The following AGTPBP1 variants were observed in gnomAD, a reference collection of about 807,000 sequenced individuals.
AGTPBP1 encodes cytosolic carboxypeptidase 1.
Under a neutral mutation model 143.9 loss-of-function variants are expected in AGTPBP1, and 70 were observed. That is an observed-to-expected ratio of 0.49 (90% CI 0.40 to 0.59). The LOEUF is 0.59. AGTPBP1 is among the 20% of genes least tolerant of loss of function. AGTPBP1 has a pLI of 0.00. For synonymous variants in AGTPBP1, 463 were observed against 500.2 expected (o/e 0.93, Z 0.99); for missense variants, 1,229 against 1,464.5 (o/e 0.84, Z 2.62).
intron 8 of AGTPBP1, among the ~76,000 whole-genome samples, chr9:85,664,949 A>C (rs1460418959): frequency 6.6e-6 from 1 of 152,214 alleles, no homozygotes; most frequent in Non-Finnish European, 1.5e-5. Context: ...ATACACATAG[A>C]TGTCAAGTTT....
At chr9:85,677,628 A>AT in intron 5 of AGTPBP1, 46 bp from the exon 6 acceptor site, 1 of 1,435,428 alleles carries the variant, frequency 7.0e-7, no homozygotes, top group Non-Finnish European at 9.2e-7. Context: ...ATTAAAAAAA[A>AT]ATTAACAAAT....
At chr9:85,732,503 C>T (rs973520360) in intron 1 of AGTPBP1, among the ~76,000 whole-genome samples, 8 of 151,876 alleles carry the variant, frequency 5.3e-5, no homozygotes, top group Admixed American at 3.9e-4. Flanking sequence ...ATGAAGAAAA[C>T]CACTATAACC....
chr9:85,589,764 A>G lies in AGTPBP1; in HGVS notation c.2569-83T>C, dbSNP rs971116900. 14 of 1,300,586 alleles carry G rather than the reference A, an allele frequency of 1.1e-5. No homozygotes were observed. The African/African-American group carries it at 1.8e-4, about 17-fold the overall frequency. The allele number at this position is 1,300,586 out of a possible 1,614,324, so 80.6% of individuals were successfully genotyped here. The stretch of plus-strand genomic sequence containing the variant: ...AGAAATAATGCATCCAGATCTCCAC[A>G]TAACTAGAAGTGAATCAGATTCTTA... On this transcript the variant is annotated intron_variant, in intron 19 of 25. Transcript: ENST00000357081.
the AGTPBP1 span, among the ~76,000 whole-genome samples, chr9:85,757,796 A>G: frequency 7.9e-5 from 12 of 152,232 alleles, no homozygotes; most frequent in African/African-American, 2.9e-4. Flanking sequence ...CAGGAGTAGC[A>G]TAAAGATGAA....
Position 85,586,816 on chromosome 9 carries a change from AGT to A in AGTPBP1, c.3033+13_3033+14del. 5 of 1,605,698 alleles carry A rather than the reference AGT, an allele frequency of 3.1e-6. No homozygotes were observed. The highest frequency in any genetic ancestry group is 4.3e-6 in the Non-Finnish European group (5 of 1,174,142). On this transcript the variant is annotated intron_variant, in intron 22 of 25. Coordinates refer to ENST00000357081, the MANE Select transcript of AGTPBP1 (RefSeq NM_001330701.2). ...TCTTTGACTATCCCAAGTAAAAACA[AGT>A]ATTGCTACTTACCAAGGGTAAACGC...
At chr9:85,640,053 T>C (rs985053968) in intron 13 of AGTPBP1, among the ~76,000 whole-genome samples, 2 of 152,188 alleles carry the variant, frequency 1.3e-5, no homozygotes, top group Non-Finnish European at 2.9e-5. Context: ...GAAAATAATA[T>C]ACAAATGAAA....
At chr9:85,666,822 C>G (rs1388015725) in intron 8 of AGTPBP1, among the ~76,000 whole-genome samples, 1 of 151,924 alleles carries the variant, frequency 6.6e-6, no homozygotes, top group African/African-American at 2.4e-5. Context: ...AAGGGAGAAA[C>G]AGCAAATAAA....
chr9:85,701,820 T>C (rs1836683980), intron 2 of AGTPBP1, among the ~76,000 whole-genome samples: 1 of 152,238 alleles, frequency 6.6e-6, no homozygotes, highest in Non-Finnish European at 1.5e-5. Flanking sequence ...AAAATGTGAA[T>C]TCCTTTTTGG....
chr9:85,638,141 A>T (rs547196984), intron 13 of AGTPBP1, among the ~76,000 whole-genome samples: 1 of 152,184 alleles, frequency 6.6e-6, no homozygotes, highest in South Asian at 2.1e-4. Context: ...GTGTATATAT[A>T]TATGTTGATT....
chr9:85,593,050 A>C (rs1429021794), intron 18 of AGTPBP1, among the ~76,000 whole-genome samples: 1 of 152,176 alleles, frequency 6.6e-6, no homozygotes, highest in Non-Finnish European at 1.5e-5. Context: ...AGGTTGATGG[A>C]CACCTTTACG....
chr9:85,753,225 A>G, the AGTPBP1 span: 2 of 1,546,610 alleles, frequency 1.3e-6, no homozygotes, highest in South Asian at 2.4e-5. Flanking sequence ...CCAAAAAAAG[A>G]AAGAAAAAAA....
In AGTPBP1 at chr9:85,575,824, C is replaced by T. The variant is rs78448919; in HGVS notation, c.3343-349G>A. 0.01 allele frequency among the ~76,000 whole-genome samples: 1,575 copies of T among 152,218 alleles called. 76 individuals are homozygous for T. The East Asian group carries it at 0.14, about 14-fold the overall frequency. On this transcript the variant is annotated intron_variant, in intron 24 of 25. Coordinates refer to ENST00000357081, the MANE Select transcript of AGTPBP1 (RefSeq NM_001330701.2). ...TTTTAACAAGAGCTTGTTAGTATTT[C>T]TTGTAATCCACTACTTCGTATGCTA...
At chr9:85,639,452 CA>C (rs929533077) in intron 13 of AGTPBP1, among the ~76,000 whole-genome samples, 3 of 150,532 alleles carry the variant, frequency 2.0e-5, no homozygotes, top group Admixed American at 1.3e-4. Context: ...GATGACAACG[CA>C]AAAAAAGAAA....
At chr9:85,697,155 T>C (rs1188735511) in intron 2 of AGTPBP1, among the ~76,000 whole-genome samples, 1 of 152,204 alleles carries the variant, frequency 6.6e-6, no homozygotes, top group East Asian at 1.9e-4. Context: ...ATGTCTTCTT[T>C]GTACCCTTCA....
rs1256135636 is a variant in AGTPBP1, at chr9:85,706,185, A to G, written c.32+6317T>C. 2.0e-5 allele frequency among the ~76,000 whole-genome samples: 3 copies of G among 152,008 alleles called. No individual in the cohort carries two copies. The East Asian group carries it at 5.8e-4, about 29-fold the overall frequency. On this transcript the variant is annotated intron_variant, in intron 2 of 25. Coordinates refer to ENST00000357081, the MANE Select transcript of AGTPBP1 (RefSeq NM_001330701.2). ...TTCATTAATCTAAGAGAAGGAAGAAAAGGAGGAAGAAGAGAATAAAAAATG... is the reference window on the plus strand; with the variant it reads ...TTCATTAATCTAAGAGAAGGAAGAAGAGGAGGAAGAAGAGAATAAAAAATG...
chr9:85,561,008 A>C (rs1826676538), intron 25 of AGTPBP1, among the ~76,000 whole-genome samples: 1 of 152,146 alleles, frequency 6.6e-6, no homozygotes, highest in East Asian at 1.9e-4. Flanking sequence ...TAAAAAGAAA[A>C]TCATATCTAT....
At chr9:85,704,286 C>T (rs1270838277) in intron 2 of AGTPBP1, among the ~76,000 whole-genome samples, 2 of 152,034 alleles carry the variant, frequency 1.3e-5, no homozygotes, top group East Asian at 3.9e-4. Flanking sequence ...GAGAGCTGCA[C>T]AGAGAAAACT....
At chr9:85,592,884 A>C (rs1829061663) in intron 18 of AGTPBP1, among the ~76,000 whole-genome samples, 180 bp from the exon 19 acceptor site, 2 of 152,188 alleles carry the variant, frequency 1.3e-5, no homozygotes, top group African/African-American at 4.8e-5. Context: ...ATTATTAGCC[A>C]ATGACATTAC....
intron 3 of AGTPBP1, among the ~76,000 whole-genome samples, chr9:85,691,801 C>T (rs759543674): frequency 4.6e-5 from 7 of 152,070 alleles, no homozygotes; most frequent in African/African-American, 9.7e-5. Context: ...AAAGTCAATA[C>T]TATTTGTGTA....
Sources: gnomAD v4.1 joint callset for allele counts (sites outside exome capture counted in the v4.1 genomes callset) on GRCh38, gnomAD v4.1.1 for gene constraint, MANE v1.5 for transcripts, NCBI Gene and HGNC (gene_info 2026-07-23, HGNC 2026-07-21) for gene names.